LRFN5: variants seen among roughly 807,000 people sequenced by gnomAD.
LRFN5 encodes leucine-rich repeat and fibronectin type-III domain-containing protein 5.
LRFN5 carries 24 observed loss-of-function variants against 45.6 expected under a neutral mutation model. That is an observed-to-expected ratio of 0.53 (90% CI 0.38 to 0.74). The LOEUF (loss-of-function observed/expected upper bound fraction) is 0.74, where lower values mean the gene tolerates loss of function less well. Among genes scored for constraint, LRFN5 ranks in the 30% least tolerant of loss-of-function variants. The pLI is 0.00. For missense variants in LRFN5, 776 were observed against 861.5 expected, an observed-to-expected ratio of 0.90 and a Z score of 1.24; for synonymous variants, 340 against 313.8, an observed-to-expected ratio of 1.08 and a Z score of -0.88.
intron 2 of LRFN5, among the ~76,000 whole-genome samples, chr14:41,883,734 T>G (rs902797455): frequency 5.9e-5 from 9 of 152,212 alleles, no homozygotes; most frequent in Non-Finnish European, 1.3e-4. Flanking sequence ...ATGCCTACAT[T>G]TAAGATTATT....
At chr14:41,745,968 T>A (rs1168975742) in intron 1 of LRFN5, among the ~76,000 whole-genome samples, 1 of 151,954 alleles carries the variant, frequency 6.6e-6, no homozygotes, top group East Asian at 1.9e-4. Flanking sequence ...CTTTCTCAAA[T>A]GGAAAATGAA....
intron 4 of LRFN5, chr14:41,893,797 A>T (rs188028391): frequency 1.0e-6 from 1 of 985,330 alleles, no homozygotes; most frequent in African/African-American, 1.7e-5. Flanking sequence ...CGTTTGCTAA[A>T]TCCCTTCTCT....
chr14:41,659,892 G>GTTTTTTTTTTTT (rs11352345), intron 1 of LRFN5, among the ~76,000 whole-genome samples: 5 of 123,890 alleles, frequency 4.0e-5, no homozygotes, highest in Admixed American at 8.0e-5. Context: ...ACTTTTTGAT[G>GTTTTTTTTTTTT]TTTTTTTTTT....
At chr14:41,788,745 T>G (rs1216616064) in intron 2 of LRFN5, among the ~76,000 whole-genome samples, 1 of 152,066 alleles carries the variant, frequency 6.6e-6, no homozygotes, top group African/African-American at 2.4e-5. Flanking sequence ...AAAGTCCTTT[T>G]TCTTTGATTT....
At chr14:41,845,622 T>C (rs1379620852) in intron 2 of LRFN5, among the ~76,000 whole-genome samples, 2 of 152,160 alleles carry the variant, frequency 1.3e-5, no homozygotes, top group Non-Finnish European at 2.9e-5. Flanking sequence ...TATATAAATG[T>C]GAAGAGAGAA....
rs1394449083 is a variant in LRFN5 at position 41,898,954 on chromosome 14, A to G, written c.2136A>G (p.Glu712=). ...CTAATGTTGACCAGATTGTCCAGGA[A>G]ACACAGGTGAGATTCTTATTACCTA... ...LLTNVDQIVQ[E]TQRLELI Residue 712 remains glutamate, a synonymous_variant, in exon 5 of 6, where the codon GAA becomes GAG. Transcript: ENST00000298119. 2 of 1,610,962 alleles carry G rather than the reference A, an allele frequency of 1.2e-6. No homozygotes were observed. Among genetic ancestry groups the G allele is most frequent in the South Asian group, 1.1e-5 (1 of 90,510 alleles).
At chr14:41,897,123 A>G (rs1024441563) in intron 4 of LRFN5, among the ~76,000 whole-genome samples, 1 of 149,156 alleles carries the variant, frequency 6.7e-6, no homozygotes, top group Non-Finnish European at 1.5e-5. Context: ...TAAATAAATA[A>G]ATAAATAAAT....
At chr14:41,858,418 TC>T (rs1244205214) in intron 2 of LRFN5, among the ~76,000 whole-genome samples, 1 of 152,056 alleles carries the variant, frequency 6.6e-6, no homozygotes, top group African/African-American at 2.4e-5. Flanking sequence ...CCATAATACA[TC>T]CCTTTTTTTC....
Position 41,667,874 on chromosome 14 carries a change from C to T in LRFN5, c.-197+59312C>T, listed in dbSNP as rs769429258. On this transcript the variant is annotated intron_variant, in intron 1 of 5. Coordinates refer to ENST00000298119, the MANE Select transcript of LRFN5 (RefSeq NM_152447.5). Reference sequence around the variant, plus strand: ...TATTTATAATTAGTTATTTGTGATTCTTGAACATACAAGTATTTTTCAGTG... The same window carrying T: ...TATTTATAATTAGTTATTTGTGATTTTTGAACATACAAGTATTTTTCAGTG... Among the ~76,000 whole-genome samples, 22 of 152,220 alleles carry T rather than the reference C, an allele frequency of 1.4e-4. No individual in the cohort carries two copies. The East Asian group carries it at 1.7e-3, about 12-fold the overall frequency.
intron 2 of LRFN5, among the ~76,000 whole-genome samples, chr14:41,770,687 C>G (rs905471302): frequency 6.6e-6 from 1 of 152,172 alleles, no homozygotes; most frequent in Non-Finnish European, 1.5e-5. Flanking sequence ...TTGCAGGACA[C>G]AGTACACATA....
At chr14:41,665,232 A>G (rs1880842480) in intron 1 of LRFN5, among the ~76,000 whole-genome samples, 1 of 151,996 alleles carries the variant, frequency 6.6e-6, no homozygotes. Context: ...ATATAAGACT[A>G]ATGACCCACT....
chr14:41,781,696 AAG>A (rs1266096340), intron 2 of LRFN5, among the ~76,000 whole-genome samples: 6 of 151,316 alleles, frequency 4.0e-5, no homozygotes, highest in South Asian at 2.1e-4. Context: ...AAGAAAGAAA[AAG>A]AGAAAGAAAA....
At chr14:41,710,577 G>T (rs910895764) in intron 1 of LRFN5, among the ~76,000 whole-genome samples, 12 of 146,756 alleles carry the variant, frequency 8.2e-5, no homozygotes, top group Non-Finnish European at 1.8e-4. Context: ...ACTTTAGATT[G>T]AAAAAGGGAT....
At chr14:41,823,418 G>T (rs936728292) in intron 2 of LRFN5, among the ~76,000 whole-genome samples, 1 of 85,354 alleles carries the variant, frequency 1.2e-5, no homozygotes. Context: ...CAAAATTCTT[G>T]GCTTATCTAT....
chr14:41,811,242 A>T (rs932657015), intron 2 of LRFN5, among the ~76,000 whole-genome samples: 2 of 152,094 alleles, frequency 1.3e-5, no homozygotes, highest in African/African-American at 4.8e-5. Flanking sequence ...ATCCTCTAAG[A>T]TGACTACAAT....
intron 3 of LRFN5, among the ~76,000 whole-genome samples, chr14:41,890,737 A>G (rs985894296): frequency 6.6e-6 from 1 of 152,010 alleles, no homozygotes; most frequent in Admixed American, 6.6e-5. Flanking sequence ...TAATCTTAGT[A>G]ATAATCTTAG....
intron 4 of LRFN5, among the ~76,000 whole-genome samples, chr14:41,895,706 C>CT (rs1281419186): frequency 1.2e-3 from 167 of 144,800 alleles, no homozygotes; most frequent in Admixed American, 1.4e-3. Context: ...TTTATTTCCC[C>CT]TTTTTTTTTT....
Position 41,886,655 on chromosome 14 carries a change from C to T in LRFN5, c.30C>T (p.Leu10=). 1 of 1,590,954 alleles carries T rather than the reference C, an allele frequency of 6.3e-7. No homozygotes were observed. The highest frequency in any genetic ancestry group is 8.5e-7 in the Non-Finnish European group (1 of 1,172,998). Residue 10 remains leucine, a synonymous_variant, in exon 3 of 6, where the codon CTC becomes CTT. Transcript: ENST00000298119. The part of the protein sequence containing the change: MEKILFYLF[L]IGIAVKAQIC... ...AAAAAATTCTTTTTTATCTGTTTCT[C>T]ATTGGCATAGCAGTGAAAGCTCAGA...
chr14:41,754,547 T>G (rs149141995), intron 1 of LRFN5, among the ~76,000 whole-genome samples: 6,797 of 152,248 alleles, frequency 0.045, 285 homozygotes, highest in Non-Finnish European at 0.061. Context: ...TCTAGTTTAT[T>G]TGCGTAGAGG....
Sources: gnomAD v4.1 joint callset for allele counts (sites outside exome capture counted in the v4.1 genomes callset) on GRCh38, gnomAD v4.1.1 for gene constraint, MANE v1.5 for transcripts, NCBI Gene and HGNC (gene_info 2026-07-23, HGNC 2026-07-21) for gene names.